The following GUCY2F variants were observed in gnomAD, a reference collection of about 807,000 sequenced individuals.
The protein encoded by GUCY2F is retinal guanylyl cyclase 2.
GUCY2F carries 61 observed loss-of-function variants against 73.1 expected under a neutral mutation model. The observed-to-expected ratio is 0.83, with a 90% CI of 0.68 to 1.03. The LOEUF is 1.03. Among genes scored for constraint, GUCY2F ranks in the 50% least tolerant of loss-of-function variants. GUCY2F has a pLI of 0.00. For missense variants in GUCY2F, 912 were observed against 854.3 expected (o/e 1.07, Z -0.84); for synonymous variants, 331 against 307.8 (o/e 1.08, Z -0.79).
In GUCY2F at chrX:109,423,293, A is replaced by G. The variant is rs146478227; in HGVS notation, c.1791+7014T>C. Among the ~76,000 whole-genome samples the G allele has an allele frequency of 8.9e-4, 100 of 112,114 alleles. 1 individual carries two copies. In the East Asian group the frequency reaches 0.023, roughly 26 times the overall value. On this transcript the variant is annotated intron_variant, in intron 8 of 19. Transcript: ENST00000218006. ...TGCTTCCAGTCTGTAAAAACAGGCT[A>G]TGGGCCATAGTTTGCTAATCCCTAT...
At chrX:109,463,683 C>T (rs766987349) in intron 3 of GUCY2F, among the ~76,000 whole-genome samples, 6 of 110,918 alleles carry the variant, frequency 5.4e-5, no homozygotes, top group Admixed American at 9.5e-5. Flanking sequence ...GTGATCCACC[C>T]GCCTCAGCCT....
chrX:109,375,134 A>G (rs1176110892), intron 19 of GUCY2F, among the ~76,000 whole-genome samples: 4 of 108,436 alleles, frequency 3.7e-5, no homozygotes, highest in Non-Finnish European at 7.6e-5. Flanking sequence ...TTTCAGGGCC[A>G]AAGTTTCCAT....
intron 15 of GUCY2F, among the ~76,000 whole-genome samples, chrX:109,386,736 C>T (rs757062937): frequency 1.8e-5 from 2 of 111,620 alleles, no homozygotes; most frequent in Admixed American, 9.5e-5. Flanking sequence ...ATAAGAGAGA[C>T]GTAAAAGAAT....
chrX:109,409,668 T>C (rs775706184), intron 8 of GUCY2F, among the ~76,000 whole-genome samples: 8 of 111,263 alleles, frequency 7.2e-5, no homozygotes, highest in Non-Finnish European at 1.3e-4. Flanking sequence ...AGGAGGTAAT[T>C]GAATCATGGG....
At chrX:109,473,488 C>A (rs1302254521) in intron 2 of GUCY2F, among the ~76,000 whole-genome samples, 3 of 112,041 alleles carry the variant, frequency 2.7e-5, no homozygotes, top group African/African-American at 6.5e-5. Context: ...TGGGACCCAC[C>A]ACAGACCAAT....
intron 16 of GUCY2F, among the ~76,000 whole-genome samples, chrX:109,383,117 A>C (rs1044612510): frequency 8.9e-6 from 1 of 111,890 alleles, no homozygotes; most frequent in Non-Finnish European, 1.9e-5. Flanking sequence ...GTATACTCAC[A>C]GTGACTTTCT....
intron 14 of GUCY2F, among the ~76,000 whole-genome samples, chrX:109,391,108 T>C (rs960610503): frequency 8.9e-6 from 1 of 112,352 alleles, no homozygotes; most frequent in African/African-American, 3.2e-5. Flanking sequence ...CAAGTATCCA[T>C]GATGCAGACA....
At chrX:109,404,078 T>G (rs955967778) in intron 10 of GUCY2F, among the ~76,000 whole-genome samples, 2 of 112,325 alleles carry the variant, frequency 1.8e-5, no homozygotes, top group African/African-American at 6.5e-5. Context: ...TGCTGGGGTC[T>G]CCAAACAATA....
rs1422052772 is a variant in GUCY2F at position 109,430,407 on chromosome X, AAGG to A, written c.1702-14_1702-12del. 1.0e-6 allele frequency: 1 copy of A among 954,651 alleles called. No homozygotes were observed. The highest frequency in any genetic ancestry group is 3.1e-5 in the East Asian group (1 of 32,721). The allele number at this position is 954,651 out of a possible 1,213,427, so 78.7% of individuals were successfully genotyped here. Reference sequence around the variant, plus strand: ...CCACACCCAATCACCCTAGAAAGAAAAGGAGGAGAATGAATAGTGATGAAACTT... The same window carrying A: ...CCACACCCAATCACCCTAGAAAGAAAAGGAGAATGAATAGTGATGAAACTT... On this transcript the variant is annotated splice_polypyrimidine_tract_variant and intron_variant, in intron 7 of 19. Transcript: ENST00000218006.
intron 6 of GUCY2F, among the ~76,000 whole-genome samples, chrX:109,447,555 C>G (rs1932044642): frequency 1.0e-5 from 1 of 99,356 alleles, no homozygotes; most frequent in African/African-American, 3.8e-5. Context: ...TGTTCTCACT[C>G]ATAGGTGGGA....
Position 109,474,895 on chromosome X carries a change from G to A in GUCY2F, c.730+312C>T, listed in dbSNP as rs752589708. Among the ~76,000 whole-genome samples, 5 of 112,014 alleles carry A rather than the reference G, an allele frequency of 4.5e-5. No homozygotes were observed. In the South Asian group the frequency reaches 1.9e-3, roughly 42 times the overall value. On this transcript the variant is annotated intron_variant, in intron 2 of 19. Coordinates refer to ENST00000218006, the MANE Select transcript of GUCY2F (RefSeq NM_001522.3). ...TTTTGGCACTTTCGAAGCTACCAAG[G>A]TCCTAAGGGCAGAAAGAAAGGATGT...
In GUCY2F at chrX:109,379,905, C is replaced by T. The variant is rs1930261868; in HGVS notation, c.3150+2213G>A. Among the ~76,000 whole-genome samples, 2 of 112,172 alleles carry T rather than the reference C, an allele frequency of 1.8e-5. 1 individual carries two copies. The highest frequency in any genetic ancestry group is 6.5e-5 in the African/African-American group (2 of 30,908). On this transcript the variant is annotated intron_variant, in intron 17 of 19. Coordinates refer to ENST00000218006, the MANE Select transcript of GUCY2F (RefSeq NM_001522.3). ...TTCTCATCTCTAAATGAGTCCTCCC[C>T]CAAGCTACTTCAGCTTCCTCACTTT... is the stretch of plus-strand genomic sequence containing the variant.
intron 8 of GUCY2F, among the ~76,000 whole-genome samples, chrX:109,424,522 G>A (rs748181245): frequency 4.1e-4 from 45 of 111,021 alleles, no homozygotes; most frequent in Middle Eastern, 4.6e-3. Context: ...GCCAATGCTC[G>A]CAAGATATAT....
At chrX:109,385,843 A>G (rs1176664165) in intron 15 of GUCY2F, among the ~76,000 whole-genome samples, 1 of 112,450 alleles carries the variant, frequency 8.9e-6, no homozygotes, top group Non-Finnish European at 1.9e-5. Context: ...TTTTGTTCTT[A>G]CATTTTAATA....
chrX:109,382,936 T>C (rs1283194670), intron 16 of GUCY2F, among the ~76,000 whole-genome samples: 1 of 112,080 alleles, frequency 8.9e-6, no homozygotes, highest in Non-Finnish European at 1.9e-5. Context: ...CCTTGACATT[T>C]CTAAAAACTG....
At position 109,475,283 on chromosome X, in the gene GUCY2F, G is replaced by A; in HGVS notation, c.654C>T (p.Val218=). 1 of 1,208,514 alleles carries A rather than the reference G, an allele frequency of 8.3e-7. No individual in the cohort carries two copies. Among genetic ancestry groups the A allele is most frequent in the Non-Finnish European group, 1.1e-6 (1 of 892,680 alleles). Residue 218 remains valine (V), a synonymous_variant, in exon 2 of 20, where the codon GTC becomes GTT. Coordinates refer to ENST00000218006, the MANE Select transcript of GUCY2F (RefSeq NM_001522.3). ...GGCTGTCTTGTCCTGTGGTCAGGACGACCCCTACAGGTAAGCCGTGGCTCC... is the reference window on the plus strand; with the variant it reads ...GGCTGTCTTGTCCTGTGGTCAGGACAACCCCTACAGGTAAGCCGTGGCTCC... ...ALRSHGLPVG[V]VLTTGQDSQS...
intron 3 of GUCY2F, among the ~76,000 whole-genome samples, chrX:109,462,472 C>T (rs1276515611): frequency 8.9e-6 from 1 of 112,469 alleles, no homozygotes; most frequent in East Asian, 2.8e-4. Flanking sequence ...GGTACAAATG[C>T]ATCCAAACAG....
intron 8 of GUCY2F, among the ~76,000 whole-genome samples, chrX:109,423,145 AG>A (rs1165562264): frequency 8.9e-6 from 1 of 112,484 alleles, no homozygotes; most frequent in Non-Finnish European, 1.9e-5. Flanking sequence ...GTTTTATATC[AG>A]GGTCAGCAAT....
At chrX:109,467,574 T>C (rs1932495344) in intron 2 of GUCY2F, among the ~76,000 whole-genome samples, 1 of 112,886 alleles carries the variant, frequency 8.9e-6, no homozygotes, top group Admixed American at 9.3e-5. Context: ...GTAGGTGCTA[T>C]GGTGATGTGC....
Sources: gnomAD v4.1 joint callset for allele counts (sites outside exome capture counted in the v4.1 genomes callset) on GRCh38, gnomAD v4.1.1 for gene constraint, MANE v1.5 for transcripts, NCBI Gene and HGNC (gene_info 2026-07-23, HGNC 2026-07-21) for gene names.